Variants in CNTLN observed in about 807,000 individuals in gnomAD.
The protein encoded by CNTLN is centlein.
A neutral mutation model predicts 180.0 loss-of-function variants in CNTLN; 212 were observed. That is an observed-to-expected ratio of 1.18 (90% CI 1.05 to 1.32). The LOEUF (loss-of-function observed/expected upper bound fraction) is 1.32. CNTLN is among the 40% of genes most tolerant of loss of function. The probability of loss-of-function intolerance (pLI) is 0.00; values close to 1 mark genes in which losing one functional copy is unlikely to be tolerated. For missense variants in CNTLN, 2,095 were observed against 1,610.9 expected (o/e 1.30, Z -5.14); for synonymous variants, 722 against 563.1 (o/e 1.28, Z -3.99).
chr9:17,408,986 T>G (rs377105169), intron 15 of CNTLN, among the ~76,000 whole-genome samples: 8 of 152,274 alleles, frequency 5.3e-5, no homozygotes, highest in East Asian at 3.9e-4. Flanking sequence ...GGGAAAGTAG[T>G]GCATGCTCCA....
rs965661472 is a variant in CNTLN at position 17,409,413 on chromosome 9, C to T, written c.2736C>T (p.Ser912=). 2.5e-6 allele frequency: 4 copies of T among 1,612,680 alleles called. No individual in the cohort carries two copies. The African/African-American group carries it at 5.3e-5, about 22-fold the overall frequency. The part of the protein sequence containing the change: ...DQKESDPTED[S]QTQGKEIVQT... The stretch of plus-strand genomic sequence containing the variant: ...AAGAAAGTGATCCAACAGAAGACAG[C>T]CAAACACAAGGAAAAGAAATAGTAC... Residue 912 remains serine (S), a synonymous_variant, in exon 16 of 26, where the codon AGC becomes AGT. Coordinates refer to ENST00000380647, the MANE Select transcript of CNTLN (RefSeq NM_017738.4).
chr9:17,135,535 C>G, intron 1 of CNTLN, 110 bp downstream of exon 1: 1 of 1,356,096 alleles, frequency 7.4e-7, no homozygotes, highest in South Asian at 1.5e-5. Context: ...CAGCGACGCT[C>G]CCTGGCAGAT....
intron 3 of CNTLN, among the ~76,000 whole-genome samples, chr9:17,235,423 T>C (rs1825080425): frequency 6.6e-6 from 1 of 152,124 alleles, no homozygotes; most frequent in South Asian, 2.1e-4. Flanking sequence ...CTGAGTATGA[T>C]TTAATATTTA....
chr9:17,265,925 C>G (rs761798210), intron 5 of CNTLN, among the ~76,000 whole-genome samples: 51 of 151,950 alleles, frequency 3.4e-4, no homozygotes, highest in Non-Finnish European at 6.6e-4. Context: ...TGATTCTTCT[C>G]TCTTTTTTTC....
In CNTLN at chr9:17,273,820, A is replaced by G; in HGVS notation, c.937A>G (p.Lys313Glu). Residue 313 changes from lysine (K) to glutamate (E), a missense_variant, in exon 6 of 26, where the codon AAA (lysine) becomes GAA (glutamate). Lys to Glu is a moderately conservative substitution (Grantham distance 56, BLOSUM62 1). Transcript: ENST00000380647. ...TGCTCTATCATTACAGTTGAGTAAT[A>G]AACAGACTGAACTTATCCAGAAGGA... is the stretch of plus-strand genomic sequence containing the variant. ...YNALSLQLSN[K>E]QTELIQKDMD... is the part of the protein sequence containing the mutation. 4 of 1,575,148 alleles carry G rather than the reference A, an allele frequency of 2.5e-6. No individual in the cohort carries two copies. Among genetic ancestry groups the G allele is most frequent in the Non-Finnish European group, 3.4e-6 (4 of 1,164,566 alleles).
chr9:17,213,380 T>A (rs1020557202), intron 2 of CNTLN, among the ~76,000 whole-genome samples: 1 of 152,246 alleles, frequency 6.6e-6, no homozygotes, highest in Non-Finnish European at 1.5e-5. Context: ...GTGAGTTTCT[T>A]AATCCTGAGT....
intron 2 of CNTLN, among the ~76,000 whole-genome samples, chr9:17,150,423 C>CT (rs1488054362): frequency 6.6e-6 from 1 of 152,152 alleles, no homozygotes; most frequent in Non-Finnish European, 1.5e-5. Context: ...TTCCCCATTG[C>CT]TTGTGTGTGT....
intron 2 of CNTLN, among the ~76,000 whole-genome samples, chr9:17,206,733 G>C (rs998008778): frequency 2.6e-5 from 4 of 152,168 alleles, no homozygotes; most frequent in African/African-American, 9.7e-5. Flanking sequence ...TGGTCACCAA[G>C]TCCTGGAATG....
intron 5 of CNTLN, among the ~76,000 whole-genome samples, chr9:17,261,658 A>AT (rs1273693005): frequency 2.0e-5 from 3 of 151,106 alleles, no homozygotes; most frequent in African/African-American, 7.4e-5. Context: ...TATGTCATTT[A>AT]TTTTTTTCTC....
At chr9:17,236,162 A>G (rs1233406260) in intron 4 of CNTLN, among the ~76,000 whole-genome samples, 3 of 152,146 alleles carry the variant, frequency 2.0e-5, no homozygotes, top group Non-Finnish European at 4.4e-5. Context: ...AGGCAGCTTG[A>G]TCAATTAATG....
intron 20 of CNTLN, among the ~76,000 whole-genome samples, chr9:17,463,954 GCA>G (rs1289678245): frequency 1.3e-5 from 2 of 151,418 alleles, no homozygotes; most frequent in Admixed American, 6.6e-5. Context: ...AGCAGCAGCA[GCA>G]GTAGCAGTGG....
At chr9:17,419,512 AATTT>A (rs1828536586) in intron 18 of CNTLN, among the ~76,000 whole-genome samples, 1 of 152,138 alleles carries the variant, frequency 6.6e-6, no homozygotes, top group Non-Finnish European at 1.5e-5. Flanking sequence ...TAATTTTATA[AATTT>A]ATTTATGCTT....
At chr9:17,267,567 T>C (rs1234064914) in intron 5 of CNTLN, among the ~76,000 whole-genome samples, 2 of 151,822 alleles carry the variant, frequency 1.3e-5, no homozygotes, top group East Asian at 3.9e-4. Context: ...CTGTGTTTCC[T>C]GAATCTGAAT....
intron 13 of CNTLN, among the ~76,000 whole-genome samples, chr9:17,381,000 T>A (rs10756878): frequency 0.56 from 84,616 of 152,040 alleles, 24,289 homozygotes; most frequent in East Asian, 0.73. Context: ...CCTCCACCCG[T>A]GATTTCTTTG....
chr9:17,336,960 A>G (rs1190364947), intron 10 of CNTLN, among the ~76,000 whole-genome samples: 1 of 152,150 alleles, frequency 6.6e-6, no homozygotes, highest in African/African-American at 2.4e-5. Flanking sequence ...GTTTCTCCAC[A>G]TCCTCTCTAG....
chr9:17,516,781 G>T, the CNTLN span, among the ~76,000 whole-genome samples: 3 of 152,184 alleles, frequency 2.0e-5, no homozygotes, highest in South Asian at 2.1e-4. Flanking sequence ...CAGTTTCCAA[G>T]GTGCCATATT....
intron 8 of CNTLN, among the ~76,000 whole-genome samples, chr9:17,312,772 C>T (rs1207138890): frequency 6.6e-6 from 1 of 152,060 alleles, no homozygotes; most frequent in Non-Finnish European, 1.5e-5. Flanking sequence ...CTATATGTAC[C>T]TGAGAATAAT....
intron 2 of CNTLN, among the ~76,000 whole-genome samples, chr9:17,162,766 G>C (rs1371382135): frequency 6.6e-6 from 1 of 152,182 alleles, no homozygotes; most frequent in Non-Finnish European, 1.5e-5. Context: ...GCGTAGAACA[G>C]TTACCATAAA....
At chr9:17,147,516 T>C (rs751073084) in intron 2 of CNTLN, among the ~76,000 whole-genome samples, 2 of 152,160 alleles carry the variant, frequency 1.3e-5, no homozygotes, top group Non-Finnish European at 2.9e-5. Context: ...TGTAGACTTC[T>C]ATTTAGGTTT....
Sources: gnomAD v4.1 joint callset for allele counts (sites outside exome capture counted in the v4.1 genomes callset) on GRCh38, gnomAD v4.1.1 for gene constraint, MANE v1.5 for transcripts, NCBI Gene and HGNC (gene_info 2026-07-23, HGNC 2026-07-21) for gene names.